The following ZFAND6 variants were observed in gnomAD, a reference collection of about 807,000 sequenced individuals.
ZFAND6 encodes AN1-type zinc finger protein 6.
A neutral mutation model predicts 24.5 loss-of-function variants in ZFAND6; 12 were observed. The ratio of observed to expected loss-of-function variants is 0.49; its 90% CI spans 0.31 to 0.79. ZFAND6 has a LOEUF of 0.79. ZFAND6 is among the 30% of genes least tolerant of loss of function. ZFAND6 has a pLI of 0.04. For missense variants in ZFAND6, 207 were observed against 245.9 expected (o/e 0.84, Z 1.06); for synonymous variants, 92 against 81.5 (o/e 1.13, Z -0.69).
chr15:80,067,395 A>G (rs2036707336), intron 1 of ZFAND6, among the ~76,000 whole-genome samples: 1 of 152,152 alleles, frequency 6.6e-6, no homozygotes, highest in Non-Finnish European at 1.5e-5. Context: ...TCCTTGAGGA[A>G]TCCTTCCTTG....
chr15:80,067,096 T>G (rs1303177148), intron 1 of ZFAND6, among the ~76,000 whole-genome samples: 4 of 152,148 alleles, frequency 2.6e-5, no homozygotes, highest in Non-Finnish European at 5.9e-5. Flanking sequence ...TTGACTTGAC[T>G]TTGAATTTGA....
rs1049007863 is a variant in ZFAND6, at chr15:80,098,574, A to G, written c.-22A>G. ...GACAGCTGTTTGCTCATCAACCTCA[A>G]CTGTGTGAGTAGAGACTTAAGCCTG... On this transcript the variant is annotated 5_prime_UTR_variant, in exon 2 of 7. Transcript: ENST00000261749. The G allele has an allele frequency of 3.9e-5, 6 of 152,202 alleles. No homozygotes were observed. The highest frequency in any genetic ancestry group is 7.2e-5 in the African/African-American group (3 of 41,450). 9.4% of individuals were successfully genotyped at this position (152,202 alleles called of 1,614,324 possible).
At chr15:80,059,055 T>C (rs1045348582), upstream of ZFAND6, among the ~76,000 whole-genome samples, 4 of 152,274 alleles carry the variant, frequency 2.6e-5, no homozygotes, top group African/African-American at 4.8e-5. Flanking sequence ...ATGTATGTAT[T>C]GCACACGTGT....
chr15:80,112,698 A>AT (rs544399364), intron 2 of ZFAND6: 29 of 447,682 alleles, frequency 6.5e-5, no homozygotes, highest in Middle Eastern at 3.3e-4. Flanking sequence ...ACCTGGCCAG[A>AT]TTTTTTTTAT....
chr15:80,132,269 TTTAA>T (rs1486617013), intron 6 of ZFAND6, among the ~76,000 whole-genome samples: 2 of 152,228 alleles, frequency 1.3e-5, no homozygotes, highest in Non-Finnish European at 2.9e-5. Context: ...AATATATTTT[TTTAA>T]TTAAGAAGAG....
intron 1 of ZFAND6, among the ~76,000 whole-genome samples, chr15:80,086,392 A>G (rs774142963): frequency 7.9e-5 from 12 of 152,242 alleles, no homozygotes; most frequent in Non-Finnish European, 1.2e-4. Flanking sequence ...CACCTGTTTC[A>G]TAAGTGTTCA....
Position 80,137,658 on chromosome 15 carries a change from A to G in ZFAND6, c.*30A>G, listed in dbSNP as rs779153223. On this transcript the variant is annotated 3_prime_UTR_variant, in exon 7 of 7. Transcript: ENST00000261749. ...CTGCTGGAATACAAAATTCTTGAGC[A>G]TCTGCAAACTAAAAATTGACTTGAG... 2.6e-6 allele frequency: 4 copies of G among 1,544,666 alleles called. No individual in the cohort carries two copies. The African/African-American group carries it at 5.6e-5, about 22-fold the overall frequency.
chr15:80,059,427 A>G (rs1219206452), upstream of ZFAND6: 1 of 152,250 alleles, frequency 6.6e-6, no homozygotes, highest in African/African-American at 2.4e-5. Context: ...AGCAAGGGAC[A>G]CTGGAGGTGC....
chr15:80,133,361 T>C (rs2040704218), intron 6 of ZFAND6, among the ~76,000 whole-genome samples: 1 of 151,954 alleles, frequency 6.6e-6, no homozygotes, highest in Non-Finnish European at 1.5e-5. Context: ...CCCGGCTAAT[T>C]TTTGTATTTC....
intron 1 of ZFAND6, among the ~76,000 whole-genome samples, chr15:80,093,908 C>T (rs2038549166): frequency 6.6e-6 from 1 of 152,154 alleles, no homozygotes; most frequent in South Asian, 2.1e-4. Context: ...AGGAGGTAGA[C>T]ATTCACCTGA....
At position 80,092,184 on chromosome 15, in the gene ZFAND6, G is replaced by A. The variant is rs182264664; in HGVS notation, c.-180-6232G>A. On this transcript the variant is annotated intron_variant, in intron 1 of 6. Transcript: ENST00000261749. ...TATAGAAAAAATTTGGTTTGTTGGT[G>A]GTTGGGAAAAAAAAAATCAACTGGC... 2.0e-5 allele frequency among the ~76,000 whole-genome samples: 3 copies of A among 151,824 alleles called. No homozygotes were observed. In the East Asian group the frequency reaches 5.8e-4, roughly 29 times the overall value.
intron 2 of ZFAND6, among the ~76,000 whole-genome samples, chr15:80,099,325 T>TTC (rs1180369737): frequency 6.6e-6 from 1 of 152,180 alleles, no homozygotes; most frequent in East Asian, 1.9e-4. Flanking sequence ...TGGATGTTTT[T>TTC]TCTCTCTCTT....
chr15:80,120,586 C>T (rs1002842151), intron 3 of ZFAND6, 88 bp downstream of exon 3: 43 of 1,135,582 alleles, frequency 3.8e-5, no homozygotes, highest in Non-Finnish European at 4.7e-5. Flanking sequence ...TCTGCTCTCA[C>T]ATTATATTTA....
chr15:80,114,316 C>T (rs553800997), intron 2 of ZFAND6, among the ~76,000 whole-genome samples: 15 of 152,330 alleles, frequency 9.8e-5, no homozygotes, highest in African/African-American at 3.4e-4. Context: ...GCCGACCTGA[C>T]TCCAAGCCCA....
At chr15:80,070,041 A>G (rs994682556) in intron 1 of ZFAND6, among the ~76,000 whole-genome samples, 3 of 152,206 alleles carry the variant, frequency 2.0e-5, no homozygotes, top group African/African-American at 7.2e-5. Flanking sequence ...TGCCAGAGAA[A>G]ATGCCCAGGA....
In ZFAND6 at chr15:80,096,673, A is replaced by G. The variant is rs79235883; in HGVS notation, c.-180-1743A>G. Among the ~76,000 whole-genome samples the G allele has an allele frequency of 7.7e-3, 1,173 of 152,336 alleles. 20 individuals are homozygous for G. Among genetic ancestry groups the G allele is most frequent in the African/African-American group, 0.027 (1,134 of 41,572 alleles). ...CATGGTGTTTTTGAATTATGTTGCT[A>G]ATATAAACAGTACATTTACTATGTT... On this transcript the variant is annotated intron_variant, in intron 1 of 6. Coordinates refer to ENST00000261749, the MANE Select transcript of ZFAND6 (RefSeq NM_019006.4).
intron 2 of ZFAND6, among the ~76,000 whole-genome samples, chr15:80,109,711 T>G (rs2039512183): frequency 6.6e-6 from 1 of 152,164 alleles, no homozygotes; most frequent in Non-Finnish European, 1.5e-5. Flanking sequence ...TGTGATTGAT[T>G]TAGATTTTAA....
intron 6 of ZFAND6, 132 bp from the exon 7 acceptor site, chr15:80,137,348 A>T: frequency 1.0e-6 from 1 of 993,136 alleles, no homozygotes; most frequent in South Asian, 2.2e-5. Context: ...GTAGTTTGTG[A>T]GACAGTGTAT....
intron 1 of ZFAND6, among the ~76,000 whole-genome samples, chr15:80,084,779 G>A (rs1174770949): frequency 6.6e-6 from 1 of 152,200 alleles, no homozygotes; most frequent in African/African-American, 2.4e-5. Context: ...ATTAGACTCT[G>A]AGGATACAGA....
Sources: allele counts gnomAD v4.1 joint callset (sites outside exome capture counted in the v4.1 genomes callset), GRCh38; gene constraint gnomAD v4.1.1; transcripts MANE v1.5; gene names NCBI Gene and HGNC (gene_info 2026-07-23, HGNC 2026-07-21).